The following ACADM variants were observed in gnomAD, a reference collection of about 807,000 sequenced individuals.
ACADM encodes the protein acyl-CoA dehydrogenase medium chain.
In ACADM, 49 loss-of-function variants were observed where a neutral mutation model predicts 58.9. The observed-to-expected ratio is 0.83, with a 90% CI of 0.66 to 1.06. The LOEUF is 1.06. Among genes scored for constraint, ACADM ranks in the 50% least tolerant of loss-of-function variants. The pLI is 0.00. For synonymous variants in ACADM, 160 were observed against 157.7 expected (o/e 1.01, Z -0.11); for missense variants, 496 against 507.0 (o/e 0.98, Z 0.21).
chr1:75,734,613 ATACT>A, intron 5 of ACADM, 174 bp from the exon 6 acceptor site: 1 of 587,558 alleles, frequency 1.7e-6, no homozygotes, highest in East Asian at 2.9e-5. Flanking sequence ...TTTTATGAAA[ATACT>A]TAGATTAGCA....
intron 6 of ACADM, among the ~76,000 whole-genome samples, chr1:75,737,402 A>G (rs1647333136): frequency 6.7e-6 from 1 of 150,022 alleles, no homozygotes; most frequent in Admixed American, 6.7e-5. Flanking sequence ...GTATAGAAAA[A>G]AACAGGCTCA....
At position 75,763,469 on chromosome 1, in the gene ACADM, T is replaced by C. The variant is rs1400883907; in HGVS notation, c.*706T>C. The C allele has an allele frequency of 6.6e-6, 1 of 152,210 alleles. No homozygotes were observed. The highest frequency in any genetic ancestry group is 2.4e-5 in the African/African-American group (1 of 41,458). 9.4% of individuals were successfully genotyped at this position (152,210 alleles called of 1,614,324 possible). On this transcript the variant is annotated 3_prime_UTR_variant, in exon 12 of 12. Coordinates refer to ENST00000370841, the MANE Select transcript of ACADM (RefSeq NM_000016.6). ...ATATGTTTGCATTTTGGCAAAGAAC[T>C]TAATAAAATTGTTCAGTGCTTATTA...
intron 1 of ACADM, among the ~76,000 whole-genome samples, chr1:75,727,067 T>G (rs1647068423): frequency 6.6e-6 from 1 of 152,202 alleles, no homozygotes; most frequent in African/African-American, 2.4e-5. Flanking sequence ...CCTCCCAAAG[T>G]GCTGGGATTA....
rs398123072 is a variant in ACADM, at chr1:75,732,682, C to G, written c.157C>G (p.Arg53Gly). The G allele has an allele frequency of 6.2e-7, 1 of 1,613,806 alleles. No homozygotes were observed. Among genetic ancestry groups the G allele is most frequent in the Non-Finnish European group, 8.5e-7 (1 of 1,179,958 alleles). Residue 53 changes from arginine (R) to glycine (G), a missense_variant, in exon 3 of 12, where the codon CGT (arginine) becomes GGT (glycine). Physicochemically the swap from Arg to Gly is moderately radical, Grantham distance 125. Coordinates refer to ENST00000370841, the MANE Select transcript of ACADM (RefSeq NM_000016.6). ...EQQKEFQATA[R>G]KFAREEIIPV... ...GCAGAAAGAATTTCAAGCTACTGCTCGTAAATTTGCCAGAGAGGAAATCAT... is the reference window on the plus strand; with the variant it reads ...GCAGAAAGAATTTCAAGCTACTGCTGGTAAATTTGCCAGAGAGGAAATCAT...
chr1:75,724,941 A>G, intron 1 of ACADM, 124 bp downstream of exon 1: 1 of 1,048,312 alleles, frequency 9.5e-7, no homozygotes, highest in Non-Finnish European at 1.3e-6. Flanking sequence ...GGAAGGAGCC[A>G]GCCTAGGGGC....
At chr1:75,741,998 G>C (rs1311333527) in intron 7 of ACADM, among the ~76,000 whole-genome samples, 1 of 151,956 alleles carries the variant, frequency 6.6e-6, no homozygotes, top group Admixed American at 6.5e-5. Flanking sequence ...GGAACATATG[G>C]ATCTCCATTT....
rs546679453 is a variant in ACADM, at chr1:75,732,100, C to T, written c.119-544C>T. 9.2e-5 allele frequency among the ~76,000 whole-genome samples: 14 copies of T among 151,612 alleles called. No homozygotes were observed. The East Asian group carries it at 2.7e-3, about 29-fold the overall frequency. On this transcript the variant is annotated intron_variant, in intron 2 of 11. Coordinates refer to ENST00000370841, the MANE Select transcript of ACADM (RefSeq NM_000016.6). ...CCAGGAGGTCGAGGCTACAGTGAGT[C>T]GTAATTGCACCACTGCACTCCAGCC...
chr1:75,739,866 G>A (rs1283420845), intron 6 of ACADM, 114 bp from the exon 7 acceptor site: 1 of 729,944 alleles, frequency 1.4e-6, no homozygotes, highest in East Asian at 3.4e-5. Flanking sequence ...TTTAATTTTA[G>A]ATATTTAAAA....
chr1:75,762,204 T>A (rs1267774998), intron 11 of ACADM, among the ~76,000 whole-genome samples: 1 of 152,070 alleles, frequency 6.6e-6, no homozygotes, highest in Admixed American at 6.6e-5. Flanking sequence ...AACGAATGGC[T>A]AAAGTTAGAA....
chr1:75,760,947 C>G (rs1224724731), intron 10 of ACADM, among the ~76,000 whole-genome samples, 175 bp from the exon 11 acceptor site: 1 of 152,092 alleles, frequency 6.6e-6, no homozygotes, highest in Non-Finnish European at 1.5e-5. Flanking sequence ...TGGCTCACGC[C>G]TGTAATCTCA....
intron 7 of ACADM, among the ~76,000 whole-genome samples, chr1:75,741,543 C>G (rs1415854655): frequency 6.6e-6 from 1 of 152,144 alleles, no homozygotes; most frequent in Non-Finnish European, 1.5e-5. Context: ...AGGAGGATTG[C>G]TTGAGCCCAG....
At chr1:75,761,033 C>T in intron 10 of ACADM, 89 bp from the exon 11 acceptor site, 1 of 1,314,534 alleles carries the variant, frequency 7.6e-7, no homozygotes, top group South Asian at 1.3e-5. Flanking sequence ...ATAGCAAGAC[C>T]CCGTCACTAT....
At chr1:75,733,316 A>G in intron 4 of ACADM, 1 of 1,112,998 alleles carries the variant, frequency 9.0e-7, no homozygotes, top group Non-Finnish European at 1.3e-6. Context: ...ACAGGTTCAA[A>G]TTACAAATAG....
chr1:75,737,282 A>ATATGTG (rs1553123525), intron 6 of ACADM, among the ~76,000 whole-genome samples: 4 of 13,602 alleles, frequency 2.9e-4, no homozygotes, highest in Non-Finnish European at 5.3e-4. Flanking sequence ...ACACACAAAT[A>ATATGTG]TATATATATA....
intron 10 of ACADM, among the ~76,000 whole-genome samples, chr1:75,752,413 T>C (rs1274228009): frequency 6.6e-6 from 1 of 152,232 alleles, no homozygotes; most frequent in African/African-American, 2.4e-5. Context: ...TCTCATCTTC[T>C]GTACCATCAA....
chr1:75,733,384 A>G, intron 4 of ACADM, 144 bp from the exon 5 acceptor site: 4 of 987,356 alleles, frequency 4.1e-6, no homozygotes, highest in Non-Finnish European at 6.0e-6. Context: ...TTATTGTGCC[A>G]GCCAGAACAC....
chr1:75,744,469 AC>A, intron 7 of ACADM: 1 of 1,531,886 alleles, frequency 6.5e-7, no homozygotes. Context: ...AATCTCACAA[AC>A]CACTTCATCT....
In ACADM at chr1:75,732,578, T is replaced by C. The variant is rs913536924; in HGVS notation, c.119-66T>C. The stretch of plus-strand genomic sequence containing the variant: ...CCCACAATAAATACACATTTCTACA[T>C]ACTGACTTCATAGGACATTTTTCCT... On this transcript the variant is annotated intron_variant, in intron 2 of 11. Coordinates refer to ENST00000370841, the MANE Select transcript of ACADM (RefSeq NM_000016.6). 7.3e-6 allele frequency: 9 copies of C among 1,237,182 alleles called. No individual in the cohort carries two copies. In the African/African-American group the frequency reaches 1.3e-4, roughly 18 times the overall value. 76.6% of individuals were successfully genotyped at this position (1,237,182 alleles called of 1,614,324 possible).
At chr1:75,737,326 A>G (rs9437018) in intron 6 of ACADM, among the ~76,000 whole-genome samples, 19 of 108,588 alleles carry the variant, frequency 1.7e-4, no homozygotes, top group East Asian at 1.7e-3. Flanking sequence ...ATATATATAT[A>G]TGAAACCAAA....
Sources: allele counts gnomAD v4.1 joint callset (sites outside exome capture counted in the v4.1 genomes callset), GRCh38; gene constraint gnomAD v4.1.1; transcripts MANE v1.5; gene names NCBI Gene and HGNC (gene_info 2026-07-23, HGNC 2026-07-21).